Variants in ELMO1 observed in about 807,000 individuals in gnomAD.
ELMO1 encodes engulfment and cell motility 1.
In ELMO1, 26 loss-of-function variants were observed where a neutral mutation model predicts 98.9. That is an observed-to-expected ratio of 0.26 (90% confidence interval 0.19 to 0.36). ELMO1 has a LOEUF of 0.36. Among genes scored for constraint, ELMO1 ranks in the 10% least tolerant of loss-of-function variants. The pLI, the probability that ELMO1 is intolerant of heterozygous loss-of-function variation, is 1.00. For missense variants in ELMO1, 627 were observed against 935.2 expected, an observed-to-expected ratio of 0.67 and a Z score of 4.30; for synonymous variants, 346 against 346.0, an observed-to-expected ratio of 1.00 and a Z score of 0.00.
chr7:37,309,410 G>A (rs1380543548), intron 4 of ELMO1, among the ~76,000 whole-genome samples: 1 of 152,100 alleles, frequency 6.6e-6, no homozygotes, highest in Non-Finnish European at 1.5e-5. Flanking sequence ...ATTTGGGTGG[G>A]GACACAGCCA....
intron 14 of ELMO1, among the ~76,000 whole-genome samples, chr7:37,113,770 C>T (rs1461321541): frequency 6.6e-6 from 1 of 152,118 alleles, no homozygotes; most frequent in East Asian, 1.9e-4. Context: ...GGTCCGAATC[C>T]AGTATGATTG....
intron 1 of ELMO1, among the ~76,000 whole-genome samples, chr7:37,360,806 T>A (rs964339186): frequency 2.6e-5 from 4 of 152,206 alleles, no homozygotes; most frequent in Non-Finnish European, 5.9e-5. Context: ...GGTGTCTACA[T>A]TGTTCTCAGG....
Position 37,271,902 on chromosome 7 carries a change from C to A in ELMO1, c.193-20G>T, listed in dbSNP as rs1244067099. The A allele has an allele frequency of 3.7e-6, 6 of 1,612,016 alleles. No homozygotes were observed. Among genetic ancestry groups the A allele is most frequent in the Non-Finnish European group, 8.5e-7 (1 of 1,178,940 alleles). Reference sequence around the variant, plus strand: ...GCGGTTCTGGAAAAGAAGAAAAAATCTTTGTAAATTTTCAAGTAGAAGCTT... The same window carrying A: ...GCGGTTCTGGAAAAGAAGAAAAAATATTTGTAAATTTTCAAGTAGAAGCTT... On this transcript the variant is annotated intron_variant, in intron 4 of 21. Coordinates refer to ENST00000310758, the MANE Select transcript of ELMO1 (RefSeq NM_014800.11).
chr7:37,161,879 C>T (rs1342840002), intron 13 of ELMO1, among the ~76,000 whole-genome samples: 1 of 87,404 alleles, frequency 1.1e-5, no homozygotes, highest in Non-Finnish European at 2.4e-5. Flanking sequence ...TCCACTAAGG[C>T]ATTATAGAAA....
chr7:37,386,617 T>C (rs1802813886), intron 1 of ELMO1, among the ~76,000 whole-genome samples: 1 of 151,748 alleles, frequency 6.6e-6, no homozygotes. Flanking sequence ...AGATCCAGGG[T>C]CCACACTCAG....
At chr7:37,046,850 G>T (rs1795822843) in intron 15 of ELMO1, among the ~76,000 whole-genome samples, 1 of 152,178 alleles carries the variant, frequency 6.6e-6, no homozygotes, top group African/African-American at 2.4e-5. Flanking sequence ...AATGCTAAGT[G>T]ATTCCAGTAC....
intron 19 of ELMO1, 131 bp downstream of exon 19, chr7:36,877,879 C>T (rs1267390323): frequency 7.4e-6 from 5 of 673,040 alleles, no homozygotes; most frequent in South Asian, 4.2e-5. Context: ...ATGGCTCAGG[C>T]GACGACTTAC....
chr7:37,279,642 G>A (rs765575665), intron 4 of ELMO1, among the ~76,000 whole-genome samples: 6 of 152,194 alleles, frequency 3.9e-5, no homozygotes, highest in Non-Finnish European at 7.3e-5. Context: ...AGAGACGGGA[G>A]AGAAATACAG....
At chr7:36,980,432 T>C (rs368176270) in intron 16 of ELMO1, among the ~76,000 whole-genome samples, 30 of 152,204 alleles carry the variant, frequency 2.0e-4, no homozygotes, top group African/African-American at 6.8e-4. Context: ...GTTCAGAAGT[T>C]TGACGCATAT....
chr7:36,858,650 G>T (rs1802385353), intron 21 of ELMO1, among the ~76,000 whole-genome samples: 1 of 150,114 alleles, frequency 6.7e-6, no homozygotes, highest in Admixed American at 6.8e-5. Context: ...AAAAGTGAGA[G>T]AAGGAAACAG....
chr7:37,267,030 TGTATATATACACAC>T (rs1297896344), intron 5 of ELMO1, among the ~76,000 whole-genome samples: 1 of 20,954 alleles, frequency 4.8e-5, no homozygotes, highest in Non-Finnish European at 8.8e-5. Context: ...AAAAAAAATA[TGTATATATACACAC>T]ACACACACAC....
chr7:37,148,894 T>G (rs1352059503), intron 13 of ELMO1, among the ~76,000 whole-genome samples: 2 of 152,230 alleles, frequency 1.3e-5, no homozygotes, highest in Non-Finnish European at 2.9e-5. Context: ...TAGGCATCTC[T>G]GTCTCCCTTT....
chr7:37,302,287 AC>A (rs1174317681), intron 4 of ELMO1, among the ~76,000 whole-genome samples: 8 of 152,200 alleles, frequency 5.3e-5, no homozygotes, highest in Admixed American at 2.6e-4. Context: ...TGTGCCATGC[AC>A]CAGGCTATGT....
Position 37,005,692 on chromosome 7 carries a change from CAAAAAAAAAAAAAA to C in ELMO1, c.1437+7593_1437+7606del, listed in dbSNP as rs71553094. ...GGGTGACAAGAGCGAGACTCTGTCT[CAAAAAAAAAAAAAA>C]AAAAAAAAAAAAGAGTCACTACTAA... On this transcript the variant is annotated intron_variant, in intron 16 of 21. Transcript: ENST00000310758. Among the ~76,000 whole-genome samples, 352 of 37,516 alleles carry C rather than the reference CAAAAAAAAAAAAAA, an allele frequency of 9.4e-3. 3 individuals carry two copies. The highest frequency in any genetic ancestry group is 0.024 in the African/African-American group (338 of 14,252). The allele number at this position is 37,516 out of a possible 152,430, so 24.6% of individuals were successfully genotyped here.
intron 14 of ELMO1, among the ~76,000 whole-genome samples, chr7:37,108,085 T>C (rs1785040319): frequency 1.3e-5 from 2 of 152,324 alleles, no homozygotes; most frequent in South Asian, 4.1e-4. Flanking sequence ...TGAAACCTAA[T>C]TAAGAAATTA....
chr7:37,434,224 A>C (rs1805049936), intron 1 of ELMO1, among the ~76,000 whole-genome samples: 1 of 151,858 alleles, frequency 6.6e-6, no homozygotes, highest in African/African-American at 2.4e-5. Context: ...GAGGTTTATA[A>C]TTTTTTTTAG....
At chr7:37,156,162 C>T (rs1390064293) in intron 13 of ELMO1, among the ~76,000 whole-genome samples, 1 of 152,122 alleles carries the variant, frequency 6.6e-6, no homozygotes, top group Non-Finnish European at 1.5e-5. Context: ...ATCTCTGGGA[C>T]ACATTTAAAG....
chr7:37,392,256 C>G (rs905105095), intron 1 of ELMO1, among the ~76,000 whole-genome samples: 3 of 152,112 alleles, frequency 2.0e-5, no homozygotes, highest in Admixed American at 6.5e-5. Context: ...AACTCAAGTT[C>G]CCACATGGCC....
Position 37,269,430 on chromosome 7 carries a change from CTT to C in ELMO1, c.243+2400_243+2401del, listed in dbSNP as rs35437017. The stretch of plus-strand genomic sequence containing the variant: ...CAGTCTTTTGTAGCTGGGCTCCTAT[CTT>C]TTTTTTTTTTTTTTTTTTTTTGAGA... On this transcript the variant is annotated intron_variant, in intron 5 of 21. Coordinates refer to ENST00000310758, the MANE Select transcript of ELMO1 (RefSeq NM_014800.11). 6.9e-3 allele frequency: 699 copies of C among 100,960 alleles called. 5 individuals are homozygous for C. Among genetic ancestry groups the C allele is most frequent in the African/African-American group, 0.024 (626 of 26,472 alleles). The allele number at this position is 100,960 out of a possible 1,614,324, so 6.3% of individuals were successfully genotyped here.
Sources: allele counts gnomAD v4.1 joint callset (sites outside exome capture counted in the v4.1 genomes callset), GRCh38; gene constraint gnomAD v4.1.1; transcripts MANE v1.5; gene names NCBI Gene and HGNC (gene_info 2026-07-23, HGNC 2026-07-21).